CRTAP: variants seen among roughly 807,000 people sequenced by gnomAD.
CRTAP encodes the protein cartilage associated protein.
Under a neutral mutation model 42.7 loss-of-function variants are expected in CRTAP, and 33 were observed. That is an observed-to-expected ratio of 0.77 (90% CI 0.59 to 1.03). The LOEUF is 1.03. Ranked by LOEUF, CRTAP falls within the 50% of genes least tolerant of loss-of-function variation. The probability of loss-of-function intolerance (pLI) is 0.00; values close to 1 mark genes in which losing one functional copy is unlikely to be tolerated. For synonymous variants in CRTAP, 243 were observed against 217.7 expected, an observed-to-expected ratio of 1.12 and a Z score of -1.02; for missense variants, 613 against 533.9, an observed-to-expected ratio of 1.15 and a Z score of -1.46.
At position 33,142,664 on chromosome 3, in the gene CRTAP, CTTTT is replaced by C. The variant is rs1218720690; in HGVS notation, c.*221_*224del. The stretch of plus-strand genomic sequence containing the variant: ...TCATGTTCACACCTATCTTTCTCAC[CTTTT>C]TTTTGAGATGGAGTCTCGCTCTCTT... On this transcript the variant is annotated 3_prime_UTR_variant, in exon 7 of 7. Coordinates refer to ENST00000320954, the MANE Select transcript of CRTAP (RefSeq NM_006371.5). 2 of 535,998 alleles carry C rather than the reference CTTTT, an allele frequency of 3.7e-6. No individual in the cohort carries two copies. The highest frequency in any genetic ancestry group is 6.7e-6 in the Non-Finnish European group (2 of 297,008). The allele number at this position is 535,998 out of a possible 1,614,324, so 33.2% of individuals were successfully genotyped here.
At chr3:33,123,118 A>G (rs1250893892) in intron 2 of CRTAP, among the ~76,000 whole-genome samples, 3 of 152,108 alleles carry the variant, frequency 2.0e-5, no homozygotes, top group Non-Finnish European at 4.4e-5. Flanking sequence ...AGTCTAATCA[A>G]CAATTAGCAG....
At chr3:33,120,968 T>C (rs761890713) in intron 2 of CRTAP, among the ~76,000 whole-genome samples, 21 of 152,190 alleles carry the variant, frequency 1.4e-4, no homozygotes, top group Non-Finnish European at 2.9e-4. Flanking sequence ...TCTGCGCATC[T>C]ACGAAGAAGA....
In CRTAP at chr3:33,143,138, A is replaced by C. The variant is rs1312448166; in HGVS notation, c.*690A>C. On this transcript the variant is annotated 3_prime_UTR_variant, in exon 7 of 7. Coordinates refer to ENST00000320954, the MANE Select transcript of CRTAP (RefSeq NM_006371.5). ...TCCCAGAAAATCAGTATTATTTTTT[A>C]AATAAGAAAAACATTCCTAGAAGAT... 1 of 152,236 alleles carries C rather than the reference A, an allele frequency of 6.6e-6. No homozygotes were observed. Among genetic ancestry groups the C allele is most frequent in the African/African-American group, 2.4e-5 (1 of 41,464 alleles). The allele number at this position is 152,236 out of a possible 1,614,324, so 9.4% of individuals were successfully genotyped here.
intron 6 of CRTAP, among the ~76,000 whole-genome samples, chr3:33,138,556 C>G (rs150221211): frequency 5.9e-5 from 9 of 152,108 alleles, no homozygotes; most frequent in Middle Eastern, 3.4e-3. Context: ...TTCTTATTTT[C>G]ACTTTTGGGC....
chr3:33,119,448 A>G (rs1256084013), intron 1 of CRTAP, among the ~76,000 whole-genome samples: 1 of 152,168 alleles, frequency 6.6e-6, no homozygotes, highest in Non-Finnish European at 1.5e-5. Context: ...AATTGAGGCC[A>G]CTAGGAGACA....
rs756371959 is a variant in CRTAP, at chr3:33,134,285, A to G, written c.1152+20A>G. ...GATGAGGTAAGTTTTCATGCTTAGCACATGTCTGGTGGCTACGAGAAAATA... is the reference window on the plus strand; with the variant it reads ...GATGAGGTAAGTTTTCATGCTTAGCGCATGTCTGGTGGCTACGAGAAAATA... On this transcript the variant is annotated intron_variant, in intron 6 of 6. Transcript: ENST00000320954. The G allele has an allele frequency of 6.8e-7, 1 of 1,474,116 alleles. No homozygotes were observed. Among genetic ancestry groups the G allele is most frequent in the East Asian group, 2.3e-5 (1 of 44,184 alleles). The allele number at this position is 1,474,116 out of a possible 1,614,324, so 91.3% of individuals were successfully genotyped here.
chr3:33,125,966 A>G (rs2030054901), intron 3 of CRTAP, among the ~76,000 whole-genome samples: 1 of 152,184 alleles, frequency 6.6e-6, no homozygotes, highest in Admixed American at 6.5e-5. Flanking sequence ...ATTGTGGTAA[A>G]ATATACGTTA....
intron 6 of CRTAP, among the ~76,000 whole-genome samples, chr3:33,141,080 A>AGCT (rs1449786803): frequency 6.6e-6 from 1 of 152,196 alleles, no homozygotes; most frequent in Non-Finnish European, 1.5e-5. Flanking sequence ...ATTAGCAAGC[A>AGCT]GCCCTCACAG....
At position 33,114,349 on chromosome 3, in the gene CRTAP, C is replaced by A; in HGVS notation, c.272C>A (p.Ala91Glu). 6.6e-7 allele frequency: 1 copy of A among 1,525,058 alleles called. No individual in the cohort carries two copies. Among genetic ancestry groups the A allele is most frequent in the Admixed American group, 2.0e-5 (1 of 50,180 alleles). 94.5% of individuals were successfully genotyped at this position (1,525,058 alleles called of 1,614,324 possible). ...TTCTGCCACCGCAACTGCAGCGCCGCGCCGCAGCCCGAGCCCGCCGCCGGC... is the reference window on the plus strand; with the variant it reads ...TTCTGCCACCGCAACTGCAGCGCCGAGCCGCAGCCCGAGCCCGCCGCCGGC... The part of the protein sequence containing the change: ...EAFCHRNCSA[A>E]PQPEPAAGLA... Residue 91 changes from alanine (A) to glutamate (E), a missense_variant, in exon 1 of 7, where the codon GCG (alanine) becomes GAG (glutamate). Ala to Glu is a moderately radical substitution (Grantham distance 107). Coordinates refer to ENST00000320954, the MANE Select transcript of CRTAP (RefSeq NM_006371.5).
Position 33,147,632 on chromosome 3 carries a change from G to A in CRTAP, c.*5184G>A, listed in dbSNP as rs1041196776. 4.6e-5 allele frequency: 7 copies of A among 152,224 alleles called. No individual in the cohort carries two copies. Among genetic ancestry groups the A allele is most frequent in the Admixed American group, 2.0e-4 (3 of 15,282 alleles). 9.4% of individuals were successfully genotyped at this position (152,224 alleles called of 1,614,324 possible). A position where few individuals can be genotyped will look rare whatever the true frequency, so the allele number is the denominator to read the frequency against. On this transcript the variant is annotated 3_prime_UTR_variant, in exon 7 of 7. Transcript: ENST00000320954. Reference sequence around the variant, plus strand: ...GCCAGTAGGCCAAACTCCAAAGACCGTTGCTGATGTCTTTTTCTGCCTCCC... The same window carrying A: ...GCCAGTAGGCCAAACTCCAAAGACCATTGCTGATGTCTTTTTCTGCCTCCC...
At chr3:33,131,571 T>TAG (rs2030264223) in intron 4 of CRTAP, among the ~76,000 whole-genome samples, 2 of 152,274 alleles carry the variant, frequency 1.3e-5, no homozygotes, top group East Asian at 3.9e-4. Context: ...CTGAGGCCTC[T>TAG]AGCTATGCTT....
chr3:33,134,160 G>T, intron 5 of CRTAP, 22 bp from the exon 6 acceptor site: 1 of 1,570,322 alleles, frequency 6.4e-7, no homozygotes, highest in South Asian at 1.1e-5. Flanking sequence ...CCTATAAACT[G>T]TTCTCTGTTG....
intron 1 of CRTAP, among the ~76,000 whole-genome samples, chr3:33,117,636 G>C (rs906607135): frequency 5.9e-5 from 9 of 152,246 alleles, no homozygotes; most frequent in African/African-American, 1.9e-4. Context: ...CCCAGGCCTT[G>C]CCTGGCTGTG....
chr3:33,129,025 G>C (rs373741922), intron 3 of CRTAP, among the ~76,000 whole-genome samples: 3 of 152,160 alleles, frequency 2.0e-5, no homozygotes, highest in African/African-American at 7.2e-5. Flanking sequence ...TGTAGATTCT[G>C]TTATTTTTAT....
At chr3:33,133,060 G>A (rs1376309105) in intron 5 of CRTAP, among the ~76,000 whole-genome samples, 1 of 152,004 alleles carries the variant, frequency 6.6e-6, no homozygotes, top group Non-Finnish European at 1.5e-5. Context: ...TCAAGGAAAA[G>A]TCATTTTTTT....
intron 6 of CRTAP, among the ~76,000 whole-genome samples, chr3:33,140,804 G>A (rs1027126904): frequency 6.6e-6 from 1 of 152,194 alleles, no homozygotes; most frequent in Non-Finnish European, 1.5e-5. Context: ...AGGTAGGAAC[G>A]GAATGAGGGT....
chr3:33,124,453 A>C lies in CRTAP; in HGVS notation c.667A>C (p.Arg223=), dbSNP rs780393476. The change falls in exon 3 of 7, where the codon AGA becomes CGA. Residue 223 remains arginine (R), a synonymous_variant. Coordinates refer to ENST00000320954, the MANE Select transcript of CRTAP (RefSeq NM_006371.5). The part of the protein sequence containing the change: ...AVRAYNGENW[R]TSITDMELAL... ...GCGGGCATACAACGGTGAGAACTGG[A>C]GAACATCCATCACAGACATGGAGCT... 4.3e-6 allele frequency: 7 copies of C among 1,614,202 alleles called. No individual in the cohort carries two copies. The South Asian group carries it at 7.7e-5, about 18-fold the overall frequency.
intron 6 of CRTAP, among the ~76,000 whole-genome samples, chr3:33,139,043 C>T (rs1369655426): frequency 6.6e-6 from 1 of 152,096 alleles, no homozygotes; most frequent in Non-Finnish European, 1.5e-5. Context: ...ACTCAGGAGG[C>T]TGAGGCAAGA....
chr3:33,114,257 G>C lies in CRTAP; in HGVS notation c.180G>C (p.Trp60Cys), dbSNP rs1192045443. Residue 60 changes from tryptophan to cysteine, a missense_variant, in exon 1 of 7, where the codon TGG (tryptophan) becomes TGC (cysteine). Trp to Cys is a radical substitution (Grantham distance 215). Coordinates refer to ENST00000320954, the MANE Select transcript of CRTAP (RefSeq NM_006371.5). ...HALDKYSGEHWAESVGYLEIS... is the reference protein window; with the variant it reads ...HALDKYSGEHCAESVGYLEIS... ...TGGACAAGTACAGCGGCGAGCACTG[G>C]GCCGAGAGCGTGGGCTACCTGGAGA... The C allele has an allele frequency of 1.3e-6, 2 of 1,585,836 alleles. No homozygotes were observed. The highest frequency in any genetic ancestry group is 1.1e-5 in the South Asian group (1 of 88,176).
Sources: gnomAD v4.1 joint callset for allele counts (sites outside exome capture counted in the v4.1 genomes callset) on GRCh38, gnomAD v4.1.1 for gene constraint, MANE v1.5 for transcripts, NCBI Gene and HGNC (gene_info 2026-07-23, HGNC 2026-07-21) for gene names.